VWF: variants seen among roughly 807,000 people sequenced by gnomAD.
VWF encodes Factor VIII related antigen.
Under a neutral mutation model 308.6 loss-of-function variants are expected in VWF, and 176 were observed. That is an observed-to-expected ratio of 0.57 (90% confidence interval 0.50 to 0.65). The LOEUF is 0.65. VWF is among the 30% of genes least tolerant of loss of function. VWF has a pLI of 0.00. For synonymous variants in VWF, 1,385 were observed against 1,443.4 expected, an observed-to-expected ratio of 0.96 and a Z score of 0.92; for missense variants, 3,146 against 3,648.2, an observed-to-expected ratio of 0.86 and a Z score of 3.55.
chr12:6,080,637 A>G (rs527408709), intron 6 of VWF, among the ~76,000 whole-genome samples: 2 of 152,362 alleles, frequency 1.3e-5, no homozygotes, highest in African/African-American at 4.8e-5. Flanking sequence ...CTAAGACTCC[A>G]GCCCAGTCTT....
Position 5,994,691 on chromosome 12 carries a change from C to T in VWF, c.6064-84G>A, listed in dbSNP as rs1013804676. ...AGGGAAGTTACCGAGAGTTCCTGCACATTCATCACACTCAACTGCAACATC... is the reference window on the plus strand; with the variant it reads ...AGGGAAGTTACCGAGAGTTCCTGCATATTCATCACACTCAACTGCAACATC... On this transcript the variant is annotated intron_variant, in intron 35 of 51. Coordinates refer to ENST00000261405, the MANE Select transcript of VWF (RefSeq NM_000552.5). 1.1e-5 allele frequency: 13 copies of T among 1,217,312 alleles called. No homozygotes were observed. The East Asian group carries it at 3.0e-4, about 28-fold the overall frequency. 75.4% of individuals were successfully genotyped at this position (1,217,312 alleles called of 1,614,324 possible).
chr12:6,024,937 C>T lies in VWF; in HGVS notation c.3222+643G>A, dbSNP rs1198243815. On this transcript the variant is annotated intron_variant, in intron 24 of 51. Transcript: ENST00000261405. The surrounding 1 kb of genome is among the most constrained non-coding windows in gnomAD (Gnocchi z 4.0). ...ACTCGGGAGGTTGAGGCAGGAGAAT[C>T]GCTTGAGCCCAGGAGGCAGAGGCTG... 4.6e-5 allele frequency among the ~76,000 whole-genome samples: 7 copies of T among 151,478 alleles called. 1 individual carries two copies. The highest frequency in any genetic ancestry group is 1.3e-4 in the Admixed American group (2 of 15,202).
chr12:5,996,201 G>A lies in VWF; in HGVS notation c.5864C>T (p.Thr1955Ile), dbSNP rs767497450. The change falls in exon 35 of 52, where the codon ACT (threonine) becomes ATT (isoleucine). Residue 1955 changes from threonine to isoleucine, a missense_variant. This residue lies in a region of VWF where 989 missense variants were observed against 1,117.4 expected (regional missense o/e 0.89). Transcript: ENST00000261405. ...CCCATCAAAGGTCACGATGTGCCGA[G>A]TGGAGCTGCCTGTGCACACGCCTGG... is the stretch of plus-strand genomic sequence containing the variant. The part of the protein sequence containing the change: ...TCPCVCTGSS[T>I]RHIVTFDGQN... 2 of 1,613,186 alleles carry A rather than the reference G, an allele frequency of 1.2e-6. No individual in the cohort carries two copies. Among genetic ancestry groups the A allele is most frequent in the African/African-American group, 2.7e-5 (2 of 74,908 alleles).
At chr12:5,955,222 T>C (rs1019725901) in intron 47 of VWF, among the ~76,000 whole-genome samples, 2 of 152,192 alleles carry the variant, frequency 1.3e-5, no homozygotes, top group Non-Finnish European at 2.9e-5. Flanking sequence ...GGCAGGAATT[T>C]TTTTTTTATT....
chr12:6,044,623 C>T (rs909703553), intron 17 of VWF, among the ~76,000 whole-genome samples, 172 bp from the exon 18 acceptor site: 18 of 152,306 alleles, frequency 1.2e-4, no homozygotes, highest in African/African-American at 4.1e-4. Context: ...ACTGGGAGGG[C>T]ATCTTCTCAC....
At chr12:5,982,717 G>A (rs1442558167) in intron 41 of VWF, among the ~76,000 whole-genome samples, 1 of 152,106 alleles carries the variant, frequency 6.6e-6, no homozygotes, top group Non-Finnish European at 1.5e-5. Context: ...CTATGTTTAA[G>A]TTACAGTATA....
At position 6,058,593 on chromosome 12, in the gene VWF, C is replaced by T. The variant is rs1456155344; in HGVS notation, c.1534-549G>A. 1.3e-5 allele frequency among the ~76,000 whole-genome samples: 2 copies of T among 152,194 alleles called. No individual in the cohort carries two copies. The highest frequency in any genetic ancestry group is 2.9e-5 in the Non-Finnish European group (2 of 68,032). The stretch of plus-strand genomic sequence containing the variant: ...TCACGGTTAATGACAAGAAACACCT[C>T]CCCACAACCTGCTGCCTGCCACTCA... On this transcript the variant is annotated intron_variant, in intron 13 of 51. Coordinates refer to ENST00000261405, the MANE Select transcript of VWF (RefSeq NM_000552.5). This position sits in a 1 kb window ranked among gnomAD's most constrained non-coding sequence, Gnocchi z 4.9.
intron 3 of VWF, among the ~76,000 whole-genome samples, chr12:6,120,566 G>C (rs899281009): frequency 6.6e-6 from 1 of 152,148 alleles, no homozygotes; most frequent in Non-Finnish European, 1.5e-5. Flanking sequence ...GCCTCCCAAA[G>C]TACTGGGATT....
chr12:6,030,408 G>C (rs1371414603), intron 21 of VWF, among the ~76,000 whole-genome samples: 3 of 152,192 alleles, frequency 2.0e-5, no homozygotes, highest in Non-Finnish European at 2.9e-5. Context: ...TGCTGTCAAT[G>C]GTGGGTATTT....
intron 40 of VWF, among the ~76,000 whole-genome samples, chr12:5,984,823 G>C (rs534728033): frequency 6.6e-6 from 1 of 152,210 alleles, no homozygotes; most frequent in Non-Finnish European, 1.5e-5. Flanking sequence ...TATTAATCCT[G>C]TCAAACCTGT....
At chr12:6,120,903 T>C (rs558108332) in intron 3 of VWF, among the ~76,000 whole-genome samples, 146 of 151,892 alleles carry the variant, frequency 9.6e-4, no homozygotes, top group African/African-American at 3.5e-3. Flanking sequence ...TGCTGTGGAG[T>C]TCCCAGGGCA....
In VWF at chr12:6,016,974, C is replaced by T. The variant is rs1591861041; in HGVS notation, c.5054-104G>A. ...TAGGATCTGCAGGGCGTGCTGACCACGTGGCACCACCAAGGGGGGCGGGGG... is the reference window on the plus strand; with the variant it reads ...TAGGATCTGCAGGGCGTGCTGACCATGTGGCACCACCAAGGGGGGCGGGGG... On this transcript the variant is annotated intron_variant, in intron 28 of 51. Transcript: ENST00000261405. The T allele has an allele frequency of 4.2e-5, 52 of 1,249,988 alleles. No individual in the cohort carries two copies. In the East Asian group the frequency reaches 1.1e-3, roughly 27 times the overall value. 77.4% of individuals were successfully genotyped at this position (1,249,988 alleles called of 1,614,324 possible). A position where few individuals can be genotyped will look rare whatever the true frequency, so the allele number is the denominator to read the frequency against.
intron 6 of VWF, among the ~76,000 whole-genome samples, chr12:6,089,846 C>T (rs1163857154): frequency 6.6e-6 from 1 of 152,200 alleles, no homozygotes; most frequent in African/African-American, 2.4e-5. Context: ...CCCACCACCT[C>T]CCCTTCATCT....
At position 6,052,736 on chromosome 12, in the gene VWF, A is replaced by AG; in HGVS notation, c.1992dup (p.Cys665LeufsTer13). On this transcript the variant is annotated frameshift_variant, in exon 16 of 52. Coordinates refer to ENST00000261405, the MANE Select transcript of VWF (RefSeq NM_000552.5). LOFTEE classifies it high-confidence loss of function. ...GAGAGAGAGCGGCAGGTCAGGTTGCAGGGGGTCCCGCACTGCAGGTACACC... is the reference window on the plus strand; with the variant it reads ...GAGAGAGAGCGGCAGGTCAGGTTGCAGGGGGGTCCCGCACTGCAGGTACACC... The AG allele has an allele frequency of 6.2e-7, 1 of 1,614,124 alleles. No individual in the cohort carries two copies. The highest frequency in any genetic ancestry group is 1.6e-4 in the Middle Eastern group (1 of 6,062).
At chr12:6,091,306 A>G (rs1945032697) in intron 6 of VWF, among the ~76,000 whole-genome samples, 1 of 151,330 alleles carries the variant, frequency 6.6e-6, no homozygotes, top group African/African-American at 2.4e-5. Context: ...GAGGAGGGAG[A>G]TGTGGGTGTG....
At chr12:6,068,454 C>A (rs1309003068) in intron 10 of VWF, among the ~76,000 whole-genome samples, 1 of 152,116 alleles carries the variant, frequency 6.6e-6, no homozygotes, top group Non-Finnish European at 1.5e-5. Context: ...ATAATCTCTA[C>A]CAAATGTGCA....
At chr12:5,981,346 T>C (rs1171283371) in intron 42 of VWF, among the ~76,000 whole-genome samples, 2 of 152,190 alleles carry the variant, frequency 1.3e-5, no homozygotes, top group Non-Finnish European at 2.9e-5. Flanking sequence ...CTAGGCAACA[T>C]AGCAAGACCT....
chr12:6,072,630 GA>G (rs1001434583), intron 8 of VWF, among the ~76,000 whole-genome samples, 188 bp from the exon 9 acceptor site: 1 of 152,200 alleles, frequency 6.6e-6, no homozygotes, highest in Admixed American at 6.5e-5. Flanking sequence ...TACTACAGAT[GA>G]AGACATGAGC....
intron 41 of VWF, 99 bp downstream of exon 41, chr12:5,983,051 G>A (rs1943625653): frequency 5.7e-6 from 7 of 1,238,650 alleles, no homozygotes; most frequent in Non-Finnish European, 8.1e-6. Context: ...TAGAAAACAG[G>A]AAATGACGTG....
Sources: allele counts gnomAD v4.1 joint callset (sites outside exome capture counted in the v4.1 genomes callset), GRCh38; gene constraint gnomAD v4.1.1; regional missense constraint gnomAD v4.1.1; non-coding constraint Gnocchi (gnomAD v3.1); transcripts MANE v1.5; gene names NCBI Gene and HGNC (gene_info 2026-07-23, HGNC 2026-07-21).